Variants in FRAS1 observed in about 807,000 individuals in gnomAD.
The protein encoded by FRAS1 is Fraser extracellular matrix complex subunit 1.
A neutral mutation model predicts 435.2 loss-of-function variants in FRAS1; 290 were observed. The observed-to-expected ratio is 0.67, with a 90% CI of 0.61 to 0.73. The LOEUF (loss-of-function observed/expected upper bound fraction) is 0.73, where lower values mean the gene tolerates loss of function less well. Ranked by LOEUF, FRAS1 falls within the 30% of genes least tolerant of loss-of-function variation. The pLI is 0.00. For missense variants in FRAS1, 4,860 were observed against 5,001.5 expected, an observed-to-expected ratio of 0.97 and a Z score of 0.85; for synonymous variants, 1,800 against 1,851.0, an observed-to-expected ratio of 0.97 and a Z score of 0.71.
At chr4:78,310,724 T>C (rs1454344653) in intron 15 of FRAS1, among the ~76,000 whole-genome samples, 1 of 152,248 alleles carries the variant, frequency 6.6e-6, no homozygotes, top group Non-Finnish European at 1.5e-5. Flanking sequence ...CAGAAATATG[T>C]TCTAAAACAA....
chr4:78,114,305 A>G lies in FRAS1; in HGVS notation c.108+48289A>G, dbSNP rs372101922. ...TCTTTTGGCTTAGGATTGACTTGGCAATGCAGGCTCTTTTTTTGGTTCCAT... is the reference window on the plus strand; with the variant it reads ...TCTTTTGGCTTAGGATTGACTTGGCGATGCAGGCTCTTTTTTTGGTTCCAT... On this transcript the variant is annotated intron_variant, in intron 2 of 73. Transcript: ENST00000512123. Among the ~76,000 whole-genome samples the G allele has an allele frequency of 2.6e-5, 4 of 152,016 alleles. 1 individual carries two copies. Among genetic ancestry groups the G allele is most frequent in the South Asian group, 4.1e-4 (2 of 4,824 alleles).
At chr4:78,301,416 A>C (rs1029520794) in intron 14 of FRAS1, among the ~76,000 whole-genome samples, 3 of 152,236 alleles carry the variant, frequency 2.0e-5, no homozygotes, top group Non-Finnish European at 4.4e-5. Flanking sequence ...AGAATATTTT[A>C]AAATCTTAAA....
intron 2 of FRAS1, among the ~76,000 whole-genome samples, chr4:78,168,612 G>A (rs561956395): frequency 5.9e-5 from 9 of 151,864 alleles, no homozygotes; most frequent in Middle Eastern, 6.8e-3. Flanking sequence ...ATCCTTTGAG[G>A]CTTATACCAT....
intron 20 of FRAS1, among the ~76,000 whole-genome samples, chr4:78,345,864 TAA>T (rs5859617): frequency 0.17 from 25,503 of 148,476 alleles, 2,710 homozygotes; most frequent in African/African-American, 0.32. Flanking sequence ...CTTCCTAAAT[TAA>T]AAAAAAAAAA....
Position 78,481,853 on chromosome 4 carries a change from C to G in FRAS1, c.8493C>G (p.Phe2831Leu), listed in dbSNP as rs774409872. 28 of 1,613,786 alleles carry G rather than the reference C, an allele frequency of 1.7e-5. No individual in the cohort carries two copies. The East Asian group carries it at 6.0e-4, about 35-fold the overall frequency. ...VIRHGTDLST[F>L]ASVWCATRPS... The stretch of plus-strand genomic sequence containing the variant: ...GCCATGGTACTGACCTCTCTACTTT[C>G]GCATCTGTCTGGTGTGCAACGCGGC... Residue 2831 changes from phenylalanine (F) to leucine (L), a missense_variant, in exon 57 of 74, where the codon TTC becomes TTG. Physicochemically the swap from Phe to Leu is conservative, Grantham distance 22. Transcript: ENST00000512123.
chr4:78,412,372 C>T (rs1470257960), intron 31 of FRAS1, among the ~76,000 whole-genome samples: 1 of 152,206 alleles, frequency 6.6e-6, no homozygotes, highest in African/African-American at 2.4e-5. Flanking sequence ...GAAAAAGCAA[C>T]ATTCTTCAGG....
intron 10 of FRAS1, 127 bp from the exon 11 acceptor site, chr4:78,281,271 T>C (rs559188412): frequency 1.1e-5 from 7 of 623,806 alleles, no homozygotes; most frequent in Non-Finnish European, 2.0e-5. Context: ...ATTTCATCTC[T>C]ATTCATAACC....
chr4:78,207,857 A>C (rs189674515), intron 2 of FRAS1, among the ~76,000 whole-genome samples: 1 of 152,196 alleles, frequency 6.6e-6, no homozygotes, highest in South Asian at 2.1e-4. Flanking sequence ...GAATGAAGAC[A>C]TGACTTCATG....
At chr4:78,204,448 CATACAGAGATTGCA>C (rs1346959419) in intron 2 of FRAS1, among the ~76,000 whole-genome samples, 15 of 152,168 alleles carry the variant, frequency 9.9e-5, no homozygotes, top group African/African-American at 3.6e-4. Context: ...AATCTCCATT[CATACAGAGATTGCA>C]ATTATAGAGT....
chr4:78,067,674 T>TATC lies in FRAS1; in HGVS notation c.108+1660_108+1661insCAT, dbSNP rs1179432833. 1.7e-4 allele frequency among the ~76,000 whole-genome samples: 6 copies of TATC among 36,358 alleles called. No homozygotes were observed. The East Asian group carries it at 5.8e-3, about 35-fold the overall frequency. 23.9% of individuals were successfully genotyped at this position (36,358 alleles called of 152,430 possible). A position where few individuals can be genotyped will look rare whatever the true frequency, so the allele number is the denominator to read the frequency against. On this transcript the variant is annotated intron_variant, in intron 2 of 73. Transcript: ENST00000512123. ...TCTTTTTCTTTTTTTTTCTTTCTTT[T>TATC]ATTATTATTATTATTATTATTATTA...
At chr4:78,359,999 T>C (rs150691421) in intron 20 of FRAS1, among the ~76,000 whole-genome samples, 1 of 152,308 alleles carries the variant, frequency 6.6e-6, no homozygotes, top group East Asian at 1.9e-4. Flanking sequence ...ATTTCTGGCA[T>C]CTGTGTACCC....
chr4:78,374,237 A>C lies in FRAS1; in HGVS notation c.3137A>C (p.Lys1046Thr). The part of the protein sequence containing the change: ...CGKGYFADHA[K>T]HKCTACPQGC... Reference sequence around the variant, plus strand: ...AAGGGGTACTTTGCAGATCATGCAAAGCACAAATGCACAGGTAACTTGGAG... The same window carrying C: ...AAGGGGTACTTTGCAGATCATGCAACGCACAAATGCACAGGTAACTTGGAG... The change falls in exon 25 of 74, where the codon AAG (lysine) becomes ACG (threonine). Residue 1046 changes from lysine (K) to threonine (T), a missense_variant. Coordinates refer to ENST00000512123, the MANE Select transcript of FRAS1 (RefSeq NM_025074.7). 6.3e-7 allele frequency: 1 copy of C among 1,594,872 alleles called. No homozygotes were observed. The highest frequency in any genetic ancestry group is 8.6e-7 in the Non-Finnish European group (1 of 1,167,402).
At chr4:78,340,366 G>A (rs1264902350) in intron 20 of FRAS1, among the ~76,000 whole-genome samples, 1 of 152,212 alleles carries the variant, frequency 6.6e-6, no homozygotes, top group Non-Finnish European at 1.5e-5. Flanking sequence ...TTATAAAAAA[G>A]TTTGATCAGT....
chr4:78,529,204 G>A (rs1721636833), intron 70 of FRAS1, among the ~76,000 whole-genome samples: 1 of 152,102 alleles, frequency 6.6e-6, no homozygotes, highest in African/African-American at 2.4e-5. Flanking sequence ...ATGCCAGGAA[G>A]CACCATAGTT....
intron 66 of FRAS1, among the ~76,000 whole-genome samples, chr4:78,518,370 G>A (rs1721274099): frequency 6.8e-6 from 1 of 146,936 alleles, no homozygotes; most frequent in Non-Finnish European, 1.5e-5. Flanking sequence ...GTATATTATA[G>A]TAATTAGCCA....
At chr4:78,390,416 A>T (rs935239851) in intron 29 of FRAS1, among the ~76,000 whole-genome samples, 4 of 152,226 alleles carry the variant, frequency 2.6e-5, no homozygotes, top group African/African-American at 4.8e-5. Flanking sequence ...ATTCATTTTC[A>T]TAAAGATACT....
At position 78,511,521 on chromosome 4, in the gene FRAS1, G is replaced by A. The variant is rs1209507138; in HGVS notation, c.10013+15G>A. 8.9e-6 allele frequency: 14 copies of A among 1,571,626 alleles called. No homozygotes were observed. Among genetic ancestry groups the A allele is most frequent in the African/African-American group, 1.4e-5 (1 of 74,010 alleles). The stretch of plus-strand genomic sequence containing the variant: ...CATCCGAACAGGTCAGGCAGGTGGT[G>A]CCTTCCACCACACATAGATTGAAGT... On this transcript the variant is annotated intron_variant, in intron 64 of 73. Coordinates refer to ENST00000512123, the MANE Select transcript of FRAS1 (RefSeq NM_025074.7).
At chr4:78,388,345 AAC>A (rs1491313462) in intron 29 of FRAS1, among the ~76,000 whole-genome samples, 11 of 151,736 alleles carry the variant, frequency 7.2e-5, no homozygotes, top group African/African-American at 2.7e-4. Flanking sequence ...AAAAAAAAAA[AAC>A]AAAAAAAACC....
chr4:78,142,461 A>G lies in FRAS1; in HGVS notation c.108+76445A>G, dbSNP rs191651684. On this transcript the variant is annotated intron_variant, in intron 2 of 73. Transcript: ENST00000512123. ...AAATAACTAGGCATATGAGTAGACA[A>G]GATGTAACTGAAAACCAAAAGAAGA... is the stretch of plus-strand genomic sequence containing the variant. 4.4e-3 allele frequency among the ~76,000 whole-genome samples: 663 copies of G among 152,112 alleles called. 2 individuals carry two copies. Among genetic ancestry groups the G allele is most frequent in the Non-Finnish European group, 6.7e-3 (453 of 68,000 alleles).
Sources: allele counts gnomAD v4.1 joint callset (sites outside exome capture counted in the v4.1 genomes callset), GRCh38; gene constraint gnomAD v4.1.1; transcripts MANE v1.5; gene names NCBI Gene and HGNC (gene_info 2026-07-23, HGNC 2026-07-21).